CTNNA2: variants seen among roughly 807,000 people sequenced by gnomAD.
CTNNA2 encodes the protein catenin alpha 2.
A neutral mutation model predicts 101.0 loss-of-function variants in CTNNA2; 42 were observed. That is an observed-to-expected ratio of 0.42 (90% CI 0.32 to 0.54). CTNNA2 has a LOEUF of 0.54. Among genes scored for constraint, CTNNA2 ranks in the 20% least tolerant of loss-of-function variants. CTNNA2 has a pLI of 0.14. For synonymous variants in CTNNA2, 450 were observed against 456.4 expected, an observed-to-expected ratio of 0.99 and a Z score of 0.18; for missense variants, 871 against 1,223.1, an observed-to-expected ratio of 0.71 and a Z score of 4.29.
intron 9 of CTNNA2, among the ~76,000 whole-genome samples, chr2:80,497,994 CTG>C (rs1477565295): frequency 3.3e-5 from 5 of 152,198 alleles, no homozygotes; most frequent in African/African-American, 9.7e-5. Context: ...ACCATGGAAA[CTG>C]TGAGATAATA....
At chr2:79,782,322 C>T (rs955330923) in intron 3 of CTNNA2, among the ~76,000 whole-genome samples, 1 of 152,084 alleles carries the variant, frequency 6.6e-6, no homozygotes, top group Middle Eastern at 3.2e-3. Flanking sequence ...CTGTAACCTC[C>T]ACCTCCTGGG....
intron 7 of CTNNA2, among the ~76,000 whole-genome samples, chr2:80,123,447 G>GAA (rs528984412): frequency 9.8e-5 from 12 of 121,962 alleles, no homozygotes; most frequent in Admixed American, 1.6e-4. Flanking sequence ...TAGTGGTGCA[G>GAA]AAAAAAAAAA....
At chr2:80,220,493 T>C (rs1051325193) in intron 7 of CTNNA2, among the ~76,000 whole-genome samples, 1 of 152,214 alleles carries the variant, frequency 6.6e-6, no homozygotes, top group African/African-American at 2.4e-5. Context: ...AGGCCAAGAC[T>C]GGAGGACTGC....
chr2:79,392,565 G>T (rs1678186622), intron 4 of CTNNA2, among the ~76,000 whole-genome samples: 1 of 151,340 alleles, frequency 6.6e-6, no homozygotes, highest in African/African-American at 2.4e-5. Context: ...TTGTTTGTTT[G>T]TTAATTTTCT....
chr2:79,506,536 T>A (rs892245042), intron 5 of CTNNA2, among the ~76,000 whole-genome samples: 2 of 152,128 alleles, frequency 1.3e-5, no homozygotes, highest in African/African-American at 4.8e-5. Context: ...AAATTAGAGG[T>A]ACTCTTCACA....
At chr2:79,452,712 T>C (rs1229196591) in intron 4 of CTNNA2, among the ~76,000 whole-genome samples, 1 of 152,026 alleles carries the variant, frequency 6.6e-6, no homozygotes, top group Non-Finnish European at 1.5e-5. Context: ...CTAAATAATA[T>C]AGAGCTTTCA....
intron 7 of CTNNA2, among the ~76,000 whole-genome samples, chr2:80,154,537 T>C (rs1703896686): frequency 6.7e-6 from 1 of 149,848 alleles, no homozygotes; most frequent in South Asian, 2.1e-4. Context: ...AAGGCAATTT[T>C]CTTAGGGACA....
At chr2:80,600,413 CCT>C (rs1227517332) in intron 15 of CTNNA2, among the ~76,000 whole-genome samples, 2 of 151,542 alleles carry the variant, frequency 1.3e-5, no homozygotes, top group East Asian at 3.9e-4. Context: ...AAAAAAGAAA[CCT>C]AACATATAGA....
At chr2:80,247,222 G>A (rs912326066) in intron 7 of CTNNA2, among the ~76,000 whole-genome samples, 2 of 152,170 alleles carry the variant, frequency 1.3e-5, no homozygotes, top group African/African-American at 2.4e-5. Flanking sequence ...AGGTGCATAA[G>A]CTGATCCCTG....
At chr2:79,512,874 C>A (rs941065334), upstream of CTNNA2, 1 of 151,276 alleles carries the variant, frequency 6.6e-6, no homozygotes, top group African/African-American at 2.4e-5. Flanking sequence ...CGCGGAGCCA[C>A]GGGGACCGCG....
chr2:79,849,785 G>A (rs1398423059), intron 3 of CTNNA2, among the ~76,000 whole-genome samples: 2 of 152,108 alleles, frequency 1.3e-5, no homozygotes, highest in African/African-American at 4.8e-5. Context: ...AAAGAAGAAA[G>A]TATTTCAATT....
intron 7 of CTNNA2, among the ~76,000 whole-genome samples, chr2:80,128,140 T>C: frequency 6.6e-6 from 1 of 152,146 alleles, no homozygotes; most frequent in South Asian, 2.1e-4. Flanking sequence ...AAGCAAATCA[T>C]GCCTCAGGGT....
At chr2:80,587,533 G>A (rs183507044) in intron 14 of CTNNA2, among the ~76,000 whole-genome samples, 28 of 152,242 alleles carry the variant, frequency 1.8e-4, no homozygotes, top group African/African-American at 6.5e-4. Flanking sequence ...TATCTGAAGA[G>A]ATCAACGATA....
At chr2:79,849,395 C>T (rs765210420) in intron 3 of CTNNA2, among the ~76,000 whole-genome samples, 33 of 151,574 alleles carry the variant, frequency 2.2e-4, no homozygotes, top group Non-Finnish European at 2.2e-4. Flanking sequence ...TAGTACCAAG[C>T]ACTGCTGTAA....
intron 9 of CTNNA2, among the ~76,000 whole-genome samples, chr2:80,470,810 G>C (rs1685239810): frequency 6.6e-6 from 1 of 152,168 alleles, no homozygotes; most frequent in African/African-American, 2.4e-5. Context: ...TGAAATAATA[G>C]TGATAAAGTC....
chr2:80,024,065 C>T (rs1427207058), intron 7 of CTNNA2, among the ~76,000 whole-genome samples: 6 of 135,408 alleles, frequency 4.4e-5, no homozygotes, highest in African/African-American at 1.4e-4. Flanking sequence ...TCAGCCTGGG[C>T]GACAGAGCGA....
chr2:80,383,737 G>A (rs967446964), intron 7 of CTNNA2, among the ~76,000 whole-genome samples: 2 of 151,798 alleles, frequency 1.3e-5, no homozygotes, highest in Non-Finnish European at 2.9e-5. Flanking sequence ...TTATGAAGGG[G>A]AGACCAGATT....
intron 3 of CTNNA2, among the ~76,000 whole-genome samples, chr2:79,826,997 A>C (rs1574070470): frequency 6.6e-6 from 1 of 152,060 alleles, no homozygotes; most frequent in Admixed American, 6.6e-5. Context: ...AGGAAATTAT[A>C]TTTTTCAAGC....
intron 4 of CTNNA2, among the ~76,000 whole-genome samples, chr2:79,390,052 T>C (rs1036382090): frequency 4.6e-5 from 7 of 152,212 alleles, no homozygotes; most frequent in Non-Finnish European, 7.3e-5. Context: ...CACCTGTTTA[T>C]CTCTGCCCTC....
Sources: gnomAD v4.1 joint callset for allele counts (sites outside exome capture counted in the v4.1 genomes callset) on GRCh38, gnomAD v4.1.1 for gene constraint, MANE v1.5 for transcripts, NCBI Gene and HGNC (gene_info 2026-07-23, HGNC 2026-07-21) for gene names.